The following SYCP2L variants were observed in gnomAD, a reference collection of about 807,000 sequenced individuals.
SYCP2L encodes the protein synaptonemal complex protein 2-like.
Under a neutral mutation model 125.8 loss-of-function variants are expected in SYCP2L, and 98 were observed. The observed-to-expected ratio is 0.78, with a 90% CI of 0.66 to 0.92. The LOEUF is 0.92. Among genes scored for constraint, SYCP2L ranks in the 40% least tolerant of loss-of-function variants. The pLI, the probability that SYCP2L is intolerant of heterozygous loss-of-function variation, is 0.00. For missense variants in SYCP2L, 842 were observed against 936.4 expected, an observed-to-expected ratio of 0.90 and a Z score of 1.32; for synonymous variants, 317 against 325.4, an observed-to-expected ratio of 0.97 and a Z score of 0.28.
chr6:10,923,307 C>T (rs966080211), intron 14 of SYCP2L, among the ~76,000 whole-genome samples: 10 of 151,562 alleles, frequency 6.6e-5, no homozygotes, highest in African/African-American at 1.9e-4. Flanking sequence ...CTTGTAAGCC[C>T]GATTACAATT....
At chr6:10,921,650 C>G (rs544083261) in intron 14 of SYCP2L, among the ~76,000 whole-genome samples, 1 of 151,142 alleles carries the variant, frequency 6.6e-6, no homozygotes, top group Non-Finnish European at 1.5e-5. Context: ...TTTTTTCATA[C>G]GTTTGTTGGC....
Position 10,954,173 on chromosome 6 carries a change from A to C in SYCP2L, c.1955-943A>C, listed in dbSNP as rs1781459563. ...AAAAACCAACAGCAACTAGACAGGC[A>C]TGTGACAAAAGAGAAGTCAGATGAT... is the stretch of plus-strand genomic sequence containing the variant. On this transcript the variant is annotated intron_variant, in intron 23 of 29. Coordinates refer to ENST00000283141, the MANE Select transcript of SYCP2L (RefSeq NM_001040274.3). This position sits in a 1 kb window ranked among gnomAD's most constrained non-coding sequence, Gnocchi z 4.8. 6.6e-6 allele frequency among the ~76,000 whole-genome samples: 1 copy of C among 152,248 alleles called. No individual in the cohort carries two copies.
chr6:10,947,455 G>A (rs549981663), intron 23 of SYCP2L, among the ~76,000 whole-genome samples: 16 of 152,084 alleles, frequency 1.1e-4, no homozygotes, highest in Admixed American at 2.6e-4. Context: ...CATTGTCTGC[G>A]TCCTTTATTG....
At chr6:10,922,123 T>A (rs1780809851) in intron 14 of SYCP2L, among the ~76,000 whole-genome samples, 1 of 152,222 alleles carries the variant, frequency 6.6e-6, no homozygotes, top group South Asian at 2.1e-4. Context: ...TTATTTTCTT[T>A]AAGAATGTGG....
intron 6 of SYCP2L, among the ~76,000 whole-genome samples, chr6:10,901,340 C>A (rs1265766995): frequency 1.3e-5 from 2 of 152,102 alleles, no homozygotes; most frequent in Non-Finnish European, 2.9e-5. Context: ...GTCTTTCTGG[C>A]TTTTATACAA....
intron 21 of SYCP2L, among the ~76,000 whole-genome samples, chr6:10,937,725 A>G (rs1408275999): frequency 1.3e-5 from 2 of 152,216 alleles, no homozygotes; most frequent in Non-Finnish European, 2.9e-5. Context: ...TTAATGAAAA[A>G]GGAGACACTA....
rs775165323 is a variant in SYCP2L, at chr6:10,902,661, G to A, written c.467-16G>A. The A allele has an allele frequency of 2.5e-6, 4 of 1,608,738 alleles. No homozygotes were observed. The African/African-American group carries it at 5.4e-5, about 22-fold the overall frequency. ...CTTCCAAACATAAATTTGATGCTTT[G>A]AAATTATACTTTCAGGGAAAATTCA... is the stretch of plus-strand genomic sequence containing the variant. On this transcript the variant is annotated splice_polypyrimidine_tract_variant and intron_variant, in intron 6 of 29. Transcript: ENST00000283141.
chr6:10,908,883 T>TGTGAAGCCTGA (rs1350104714), intron 10 of SYCP2L, among the ~76,000 whole-genome samples: 2 of 152,160 alleles, frequency 1.3e-5, no homozygotes, highest in Non-Finnish European at 2.9e-5. Context: ...GTAGTTGACT[T>TGTGAAGCCTGA]GTGAAGCCTG....
intron 23 of SYCP2L, among the ~76,000 whole-genome samples, chr6:10,943,756 C>G (rs555232373): frequency 6.6e-6 from 1 of 152,110 alleles, no homozygotes; most frequent in South Asian, 2.1e-4. Flanking sequence ...CATATGTATC[C>G]CTAAATAATA....
intron 26 of SYCP2L, among the ~76,000 whole-genome samples, chr6:10,959,845 G>C (rs1781567660): frequency 6.9e-6 from 1 of 144,788 alleles, no homozygotes; most frequent in South Asian, 2.2e-4. Flanking sequence ...CTCCAGCCTG[G>C]GCAACAAGAG....
At chr6:10,921,124 A>G (rs1346105381) in intron 14 of SYCP2L, among the ~76,000 whole-genome samples, 1 of 152,216 alleles carries the variant, frequency 6.6e-6, no homozygotes, top group Non-Finnish European at 1.5e-5. Flanking sequence ...AAGTGAGAAC[A>G]TGCGGTGTTT....
chr6:10,970,213 G>A (rs143848818), intron 29 of SYCP2L, among the ~76,000 whole-genome samples: 3 of 152,202 alleles, frequency 2.0e-5, no homozygotes, highest in Non-Finnish European at 4.4e-5. Flanking sequence ...CAGCAGGGAA[G>A]ACTGAGGAAG....
intron 18 of SYCP2L, among the ~76,000 whole-genome samples, chr6:10,929,191 G>A (rs1005010455): frequency 6.6e-6 from 1 of 152,034 alleles, no homozygotes; most frequent in East Asian, 1.9e-4. Flanking sequence ...ACACCTGGCC[G>A]CACCCGGCTG....
intron 4 of SYCP2L, among the ~76,000 whole-genome samples, chr6:10,896,872 GCCAAGGTTGAAAA>G (rs1780267292): frequency 6.6e-6 from 1 of 152,126 alleles, no homozygotes; most frequent in Non-Finnish European, 1.5e-5. Context: ...CTAATGTACA[GCCAAGGTTGAAAA>G]CTGGTTTTAT....
chr6:10,920,120 T>G (rs1780768175), intron 14 of SYCP2L, among the ~76,000 whole-genome samples: 1 of 152,210 alleles, frequency 6.6e-6, no homozygotes, highest in Admixed American at 6.5e-5. Context: ...AGGTTGTACA[T>G]TGACTGTTGT....
At chr6:10,945,102 C>G (rs1253021561) in intron 23 of SYCP2L, among the ~76,000 whole-genome samples, 1 of 152,068 alleles carries the variant, frequency 6.6e-6, no homozygotes, top group Non-Finnish European at 1.5e-5. Flanking sequence ...GAGCTTTTAG[C>G]TATCTTTTTG....
intron 2 of SYCP2L, 77 bp downstream of exon 2, chr6:10,891,658 TGTGTGTATGTGTATATGA>T: frequency 1.3e-5 from 11 of 833,914 alleles, no homozygotes; most frequent in South Asian, 7.3e-5. Context: ...TGTGTGTGTG[TGTGTGTATGTGTATATGA>T]GTGTATGTAT....
intron 15 of SYCP2L, among the ~76,000 whole-genome samples, chr6:10,925,574 A>T (rs1780882923): frequency 6.6e-6 from 1 of 152,238 alleles, no homozygotes; most frequent in Non-Finnish European, 1.5e-5. Context: ...GCCCATAGAA[A>T]GTTGAATTAA....
In SYCP2L at chr6:10,905,558, C is replaced by T. The variant is rs189229028; in HGVS notation, c.642-462C>T. Among the ~76,000 whole-genome samples, 362 of 152,282 alleles carry T rather than the reference C, an allele frequency of 2.4e-3. 2 individuals are homozygous for T. The highest frequency in any genetic ancestry group is 6.8e-3 in the Middle Eastern group (2 of 294). The stretch of plus-strand genomic sequence containing the variant: ...CTGCCCGTCTCGGCCTCCCAAACTG[C>T]TGGGATTACAGGCGTGAGCCACTGT... On this transcript the variant is annotated intron_variant, in intron 8 of 29. Coordinates refer to ENST00000283141, the MANE Select transcript of SYCP2L (RefSeq NM_001040274.3).
Sources: allele counts gnomAD v4.1 joint callset (sites outside exome capture counted in the v4.1 genomes callset), GRCh38; gene constraint gnomAD v4.1.1; non-coding constraint Gnocchi (gnomAD v3.1); transcripts MANE v1.5; gene names NCBI Gene and HGNC (gene_info 2026-07-23, HGNC 2026-07-21).